The following PRKCE variants were observed in gnomAD, a reference collection of about 807,000 sequenced individuals.
PRKCE encodes the protein protein kinase C epsilon type.
In PRKCE, 16 loss-of-function variants were observed where a neutral mutation model predicts 85.4. The observed-to-expected ratio is 0.19, with a 90% confidence interval of 0.13 to 0.28. The LOEUF (loss-of-function observed/expected upper bound fraction) is 0.28. Among genes scored for constraint, PRKCE ranks in the 10% least tolerant of loss-of-function variants. PRKCE has a pLI of 1.00. For synonymous variants in PRKCE, 388 were observed against 371.5 expected (o/e 1.04, Z -0.51); for missense variants, 573 against 975.2 (o/e 0.59, Z 5.49).
intron 2 of PRKCE, among the ~76,000 whole-genome samples, chr2:45,857,097 T>C (rs1022825036): frequency 2.6e-5 from 4 of 152,316 alleles, no homozygotes; most frequent in African/African-American, 9.6e-5. Context: ...CATATGGTAG[T>C]TCTATTTTAA....
At chr2:45,827,622 G>A (rs1244769999) in intron 1 of PRKCE, among the ~76,000 whole-genome samples, 1 of 152,202 alleles carries the variant, frequency 6.6e-6, no homozygotes, top group Non-Finnish European at 1.5e-5. Flanking sequence ...CAAAACTTAT[G>A]TATTACTTAG....
intron 1 of PRKCE, among the ~76,000 whole-genome samples, chr2:45,783,216 T>A (rs1686334314): frequency 6.6e-6 from 1 of 152,180 alleles, no homozygotes; most frequent in Non-Finnish European, 1.5e-5. Flanking sequence ...CGCACAGCCA[T>A]CTCAAAACTC....
chr2:46,147,820 G>C (rs1441301084), intron 12 of PRKCE, among the ~76,000 whole-genome samples: 1 of 152,234 alleles, frequency 6.6e-6, no homozygotes, highest in Non-Finnish European at 1.5e-5. Context: ...TGAGAATTGA[G>C]TCTTGAGTCC....
intron 6 of PRKCE, among the ~76,000 whole-genome samples, chr2:45,994,591 G>A (rs1289483655): frequency 1.3e-5 from 2 of 152,156 alleles, no homozygotes; most frequent in Non-Finnish European, 1.5e-5. Flanking sequence ...TGCATTTAAT[G>A]TTCTGCTATG....
intron 1 of PRKCE, among the ~76,000 whole-genome samples, chr2:45,821,596 G>A (rs1689536252): frequency 6.6e-6 from 1 of 152,170 alleles, no homozygotes; most frequent in East Asian, 1.9e-4. Context: ...AAGGTATTTG[G>A]AGCCCAGCAT....
chr2:45,762,848 C>A (rs1235277646), intron 1 of PRKCE, among the ~76,000 whole-genome samples: 1 of 152,122 alleles, frequency 6.6e-6, no homozygotes, highest in Non-Finnish European at 1.5e-5. Context: ...CTGTTGGGGG[C>A]CCTCAGGCTG....
intron 10 of PRKCE, among the ~76,000 whole-genome samples, chr2:46,037,802 A>G (rs1707962814): frequency 1.3e-5 from 2 of 152,166 alleles, no homozygotes. Context: ...AGTCTTACAG[A>G]CAGAAGCCCA....
chr2:45,826,582 C>A (rs977429954), intron 1 of PRKCE, among the ~76,000 whole-genome samples: 1 of 152,150 alleles, frequency 6.6e-6, no homozygotes, highest in Non-Finnish European at 1.5e-5. Context: ...CTACCAAATT[C>A]AGGTCTTAAG....
chr2:46,181,050 C>T (rs1175454783), intron 14 of PRKCE, among the ~76,000 whole-genome samples: 1 of 152,210 alleles, frequency 6.6e-6, no homozygotes, highest in African/African-American at 2.4e-5. Context: ...GCAGGGATGA[C>T]TGAGGATCAG....
chr2:46,134,104 C>T (rs556262334), intron 11 of PRKCE, among the ~76,000 whole-genome samples: 17 of 152,328 alleles, frequency 1.1e-4, no homozygotes, highest in African/African-American at 3.6e-4. Flanking sequence ...AAATGTTTTA[C>T]TCATTCCATA....
intron 6 of PRKCE, among the ~76,000 whole-genome samples, chr2:45,992,520 A>T (rs1251256618): frequency 6.6e-6 from 1 of 152,176 alleles, no homozygotes; most frequent in East Asian, 1.9e-4. Flanking sequence ...TTGCACAAGC[A>T]CACAATTTCC....
intron 1 of PRKCE, among the ~76,000 whole-genome samples, chr2:45,662,252 G>A (rs1675702721): frequency 6.6e-6 from 1 of 152,200 alleles, no homozygotes; most frequent in South Asian, 2.1e-4. Flanking sequence ...CAGGTGCTAT[G>A]CCCACTATGT....
At chr2:45,929,631 G>A (rs1045716490) in intron 2 of PRKCE, among the ~76,000 whole-genome samples, 2 of 152,228 alleles carry the variant, frequency 1.3e-5, no homozygotes, top group South Asian at 4.2e-4. Flanking sequence ...ATTATCAAAG[G>A]TTCTTATTGC....
intron 2 of PRKCE, among the ~76,000 whole-genome samples, chr2:45,893,542 A>G (rs1695899562): frequency 2.0e-5 from 3 of 151,498 alleles, no homozygotes; most frequent in African/African-American, 4.8e-5. Flanking sequence ...TAATTTTTGT[A>G]TTTTTAGCAG....
intron 10 of PRKCE, among the ~76,000 whole-genome samples, chr2:46,056,822 A>G (rs1200656994): frequency 6.6e-6 from 1 of 152,192 alleles, no homozygotes; most frequent in Non-Finnish European, 1.5e-5. Context: ...TGGTTCTAAT[A>G]TTAATGAGAA....
intron 1 of PRKCE, among the ~76,000 whole-genome samples, chr2:45,771,883 G>T (rs1290828279): frequency 6.6e-6 from 1 of 152,124 alleles, no homozygotes; most frequent in Non-Finnish European, 1.5e-5. Context: ...GGTGGAGCTG[G>T]ATCTGCATGT....
intron 2 of PRKCE, among the ~76,000 whole-genome samples, chr2:45,942,795 G>A (rs899935759): frequency 1.3e-5 from 2 of 152,050 alleles, no homozygotes; most frequent in Non-Finnish European, 2.9e-5. Context: ...GTTTATTATA[G>A]TACACATGTA....
In PRKCE at chr2:45,905,472, A is replaced by G. The variant is rs1156451281; in HGVS notation, c.412+62409A>G. On this transcript the variant is annotated intron_variant, in intron 2 of 14. Transcript: ENST00000306156. This position sits in a 1 kb window ranked among gnomAD's most constrained non-coding sequence, Gnocchi z 4.4. ...GCCAAATTGGCTGTTGATGGGCCAT[A>G]GTAGACTATGGCTTTAATAATCAGG... 6.6e-6 allele frequency among the ~76,000 whole-genome samples: 1 copy of G among 152,234 alleles called. No individual in the cohort carries two copies. Among genetic ancestry groups the G allele is most frequent in the Admixed American group, 6.5e-5 (1 of 15,286 alleles).
Position 45,751,318 on chromosome 2 carries a change from G to A in PRKCE, c.349-91682G>A, listed in dbSNP as rs147980918. 5.9e-5 allele frequency among the ~76,000 whole-genome samples: 9 copies of A among 152,298 alleles called. No individual in the cohort carries two copies. In the East Asian group the frequency reaches 1.7e-3, roughly 29 times the overall value. On this transcript the variant is annotated intron_variant, in intron 1 of 14. Transcript: ENST00000306156. ...AACTGAGATAATAAAGCCTGTATAT[G>A]TGGGTACCATCTGGTAATTGTTCAA...
Sources: allele counts gnomAD v4.1 joint callset (sites outside exome capture counted in the v4.1 genomes callset), GRCh38; gene constraint gnomAD v4.1.1; non-coding constraint Gnocchi (gnomAD v3.1); transcripts MANE v1.5; gene names NCBI Gene and HGNC (gene_info 2026-07-23, HGNC 2026-07-21).